The following MIR2052HG variants were observed in gnomAD, a reference collection of about 807,000 sequenced individuals.
MIR2052HG encodes MIR2052 host gene.
intron 3 of MIR2052HG, among the ~76,000 whole-genome samples, chr8:74,703,434 C>T (rs1199202062): frequency 1.3e-5 from 2 of 151,980 alleles, no homozygotes; most frequent in Non-Finnish European, 2.9e-5. Context: ...TTTTCAGAGC[C>T]TATTGCATGC....
intron 2 of MIR2052HG, among the ~76,000 whole-genome samples, chr8:74,692,011 A>G (rs1397535418): frequency 6.6e-6 from 1 of 152,324 alleles, no homozygotes; most frequent in East Asian, 1.9e-4. Context: ...TCTTGTCTGT[A>G]TCTCTCAAAG....
intron 4 of MIR2052HG, among the ~76,000 whole-genome samples, chr8:74,726,294 C>T (rs1166500982): frequency 2.6e-5 from 4 of 152,192 alleles, no homozygotes; most frequent in Non-Finnish European, 4.4e-5. Flanking sequence ...ACATGCTTTC[C>T]TTGTGTGCAT....
intron 2 of MIR2052HG, among the ~76,000 whole-genome samples, chr8:74,625,580 T>A (rs1808423733): frequency 6.6e-6 from 1 of 152,242 alleles, no homozygotes; most frequent in South Asian, 2.1e-4. Flanking sequence ...TGCTTCTGTT[T>A]CTATTTTAGA....
chr8:74,716,256 T>TA, intron 4 of MIR2052HG, among the ~76,000 whole-genome samples: 1 of 152,164 alleles, frequency 6.6e-6, no homozygotes, highest in East Asian at 1.9e-4. Context: ...TGGGTGCTTG[T>TA]AGTAGGCAGT....
chr8:74,678,563 CAAAAAAAA>C (rs763073114), intron 2 of MIR2052HG, among the ~76,000 whole-genome samples: 56 of 53,534 alleles, frequency 1.0e-3, no homozygotes, highest in African/African-American at 3.7e-3. Context: ...GAGTTTGTCT[CAAAAAAAA>C]AAAAAAAAAA....
chr8:74,732,441 C>T (rs1809702171), intron 4 of MIR2052HG, among the ~76,000 whole-genome samples: 1 of 152,086 alleles, frequency 6.6e-6, no homozygotes, highest in Admixed American at 6.6e-5. Context: ...TTAAAAATGC[C>T]TTTTATATCC....
chr8:74,680,397 G>A (rs191684540), intron 2 of MIR2052HG, among the ~76,000 whole-genome samples: 1 of 152,036 alleles, frequency 6.6e-6, no homozygotes, highest in Admixed American at 6.6e-5. Context: ...CAAAAAGTGG[G>A]TGAAGGACAT....
At chr8:74,729,060 G>T (rs1256179551) in intron 4 of MIR2052HG, among the ~76,000 whole-genome samples, 1 of 152,140 alleles carries the variant, frequency 6.6e-6, no homozygotes, top group African/African-American at 2.4e-5. Context: ...TAAGTTTTAA[G>T]GGGAAAAATA....
intron 2 of MIR2052HG, among the ~76,000 whole-genome samples, chr8:74,695,331 C>A (rs1809284729): frequency 6.6e-6 from 1 of 152,092 alleles, no homozygotes; most frequent in Non-Finnish European, 1.5e-5. Context: ...TGAAATAAAT[C>A]CTTGAAATAC....
chr8:74,614,981 A>T (rs1332058563), intron 2 of MIR2052HG: 1 of 152,200 alleles, frequency 6.6e-6, no homozygotes, highest in African/African-American at 2.4e-5. Context: ...AGGAAGAACC[A>T]ATTTTAATTT....
chr8:74,702,364 A>G, intron 2 of MIR2052HG: 1 of 452,186 alleles, frequency 2.2e-6, no homozygotes, highest in Admixed American at 2.4e-5. Context: ...AACTCTCACT[A>G]GCTTCCTTTG....
At chr8:74,658,347 G>C in intron 2 of MIR2052HG, among the ~76,000 whole-genome samples, 1 of 150,036 alleles carries the variant, frequency 6.7e-6, no homozygotes, top group East Asian at 1.9e-4. Context: ...AGGGATTGTT[G>C]TCTTGTCTGC....
intron 1 of MIR2052HG, chr8:74,603,562 G>T: frequency 6.5e-7 from 1 of 1,540,296 alleles, no homozygotes; most frequent in Non-Finnish European, 9.0e-7. Flanking sequence ...ACTGAATCCA[G>T]TGTTGCCATG....
At chr8:74,637,073 T>G (rs1808589604) in intron 2 of MIR2052HG, among the ~76,000 whole-genome samples, 1 of 152,148 alleles carries the variant, frequency 6.6e-6, no homozygotes, top group Non-Finnish European at 1.5e-5. Flanking sequence ...GATACACATA[T>G]TTCATTGAGA....
At chr8:74,663,397 T>A (rs1281367055) in intron 2 of MIR2052HG, among the ~76,000 whole-genome samples, 1 of 152,196 alleles carries the variant, frequency 6.6e-6, no homozygotes, top group African/African-American at 2.4e-5. Context: ...CTGTAGTTTT[T>A]ACCTATCCCA....
At chr8:74,734,459 G>A (rs56322824) in intron 4 of MIR2052HG, among the ~76,000 whole-genome samples, 147 of 152,278 alleles carry the variant, frequency 9.7e-4, no homozygotes, top group African/African-American at 3.4e-3. Context: ...AAATGGTAAT[G>A]ATTTCTGAGA....
chr8:74,655,437 G>A (rs1215477748), intron 2 of MIR2052HG, among the ~76,000 whole-genome samples: 4 of 152,158 alleles, frequency 2.6e-5, no homozygotes, highest in Non-Finnish European at 4.4e-5. Flanking sequence ...GCTGTGTGCA[G>A]CCTAGGGACT....
At chr8:74,654,782 C>T (rs1412539489) in intron 2 of MIR2052HG, among the ~76,000 whole-genome samples, 2 of 151,950 alleles carry the variant, frequency 1.3e-5, no homozygotes, top group African/African-American at 2.4e-5. Context: ...GAGAAGATAC[C>T]CGAAAATGTG....
chr8:74,744,447 G>A (rs1274825418), intron 4 of MIR2052HG, among the ~76,000 whole-genome samples: 1 of 151,768 alleles, frequency 6.6e-6, no homozygotes, highest in African/African-American at 2.4e-5. Flanking sequence ...CTAGCATTAG[G>A]TATATCTCCC....
Sources: allele counts gnomAD v4.1 joint callset (sites outside exome capture counted in the v4.1 genomes callset), GRCh38; gene constraint gnomAD v4.1.1; transcripts MANE v1.5; gene names NCBI Gene and HGNC (gene_info 2026-07-23, HGNC 2026-07-21).